Variants in CTNND2 observed in about 807,000 individuals in gnomAD.
CTNND2 encodes catenin delta 2, also known as catenin delta-2.
A neutral mutation model predicts 144.4 loss-of-function variants in CTNND2; 22 were observed. The observed-to-expected ratio is 0.15, with a 90% CI of 0.11 to 0.22. The LOEUF is 0.22. Ranked by LOEUF, CTNND2 falls within the 10% of genes least tolerant of loss-of-function variation. The pLI is 1.00. For missense variants in CTNND2, 1,353 were observed against 1,618.8 expected, an observed-to-expected ratio of 0.84 and a Z score of 2.82; for synonymous variants, 751 against 695.6, an observed-to-expected ratio of 1.08 and a Z score of -1.25.
chr5:11,274,783 G>A (rs891348830), intron 9 of CTNND2, among the ~76,000 whole-genome samples: 1 of 152,088 alleles, frequency 6.6e-6, no homozygotes, highest in African/African-American at 2.4e-5. Context: ...AAGGTTTATT[G>A]TTGTTATTGT....
chr5:11,491,032 G>T (rs1351545809), intron 3 of CTNND2, among the ~76,000 whole-genome samples: 1 of 152,100 alleles, frequency 6.6e-6, no homozygotes, highest in Non-Finnish European at 1.5e-5. Flanking sequence ...TCACGAGACT[G>T]TTTAGGAGGG....
In CTNND2 at chr5:11,696,778, T is replaced by G. The variant is rs145868206; in HGVS notation, c.174+35358A>C. Among the ~76,000 whole-genome samples the G allele has an allele frequency of 7.9e-4, 120 of 152,290 alleles. 1 individual carries two copies. The highest frequency in any genetic ancestry group is 3.4e-3 in the Middle Eastern group (1 of 294). On this transcript the variant is annotated intron_variant, in intron 2 of 21. Coordinates refer to ENST00000304623, the MANE Select transcript of CTNND2 (RefSeq NM_001332.4). ...GACAGTAGTCATATATCAACAGGTATGAACAACCAGTAATTAGCAACTGAC... is the reference window on the plus strand; with the variant it reads ...GACAGTAGTCATATATCAACAGGTAGGAACAACCAGTAATTAGCAACTGAC...
chr5:11,796,938 T>C (rs1791436105), intron 1 of CTNND2, among the ~76,000 whole-genome samples: 1 of 152,162 alleles, frequency 6.6e-6, no homozygotes, highest in Non-Finnish European at 1.5e-5. Flanking sequence ...ATTATTGTCT[T>C]TGATGGAGCA....
At chr5:11,146,970 T>A (rs10041627) in intron 12 of CTNND2, among the ~76,000 whole-genome samples, 254 of 152,036 alleles carry the variant, frequency 1.7e-3, no homozygotes, top group Middle Eastern at 3.4e-3. Context: ...GAGTGAAAAG[T>A]TTCCTTGCTT....
At chr5:11,613,937 C>T (rs1252803666) in intron 2 of CTNND2, among the ~76,000 whole-genome samples, 3 of 152,078 alleles carry the variant, frequency 2.0e-5, no homozygotes, top group East Asian at 1.9e-4. Flanking sequence ...TCCTTTAAGT[C>T]TTGTTTATTT....
At position 10,988,291 on chromosome 5, in the gene CTNND2, G is replaced by A. The variant is rs764307803; in HGVS notation, c.3212-49C>T. 1.2e-6 allele frequency: 2 copies of A among 1,609,950 alleles called. No individual in the cohort carries two copies. Among genetic ancestry groups the A allele is most frequent in the Non-Finnish European group, 1.7e-6 (2 of 1,177,616 alleles). On this transcript the variant is annotated intron_variant, in intron 19 of 21. Coordinates refer to ENST00000304623, the MANE Select transcript of CTNND2 (RefSeq NM_001332.4). The surrounding 1 kb of genome is among the most constrained non-coding windows in gnomAD (Gnocchi z 5.9). ...GATTTTCTGCATCTCATCCCACAGC[G>A]TGTGTGCCTTCCACACAGTCAGGGT...
intron 2 of CTNND2, among the ~76,000 whole-genome samples, chr5:11,569,269 TA>T (rs976419227): frequency 1.8e-4 from 27 of 152,176 alleles, no homozygotes; most frequent in African/African-American, 6.3e-4. Flanking sequence ...TTAGAAAGCC[TA>T]AATCTCCCCA....
chr5:11,441,461 C>G (rs1014639121), intron 3 of CTNND2, among the ~76,000 whole-genome samples: 3 of 142,982 alleles, frequency 2.1e-5, no homozygotes, highest in Non-Finnish European at 3.0e-5. Flanking sequence ...TCACTGCAGT[C>G]TCTGCCTCCT....
chr5:11,861,528 G>A (rs1350916396), intron 1 of CTNND2, among the ~76,000 whole-genome samples: 3 of 152,028 alleles, frequency 2.0e-5, no homozygotes, highest in African/African-American at 4.8e-5. Context: ...CACCTCTCTC[G>A]CCATCTCTCC....
intron 9 of CTNND2, among the ~76,000 whole-genome samples, chr5:11,290,170 A>T (rs1238168423): frequency 2.0e-5 from 3 of 152,114 alleles, no homozygotes; most frequent in Admixed American, 1.3e-4. Context: ...ATGTGTAGCA[A>T]TTTCCACTCC....
chr5:11,287,164 T>G (rs1747842936), intron 9 of CTNND2, among the ~76,000 whole-genome samples: 1 of 152,202 alleles, frequency 6.6e-6, no homozygotes, highest in Non-Finnish European at 1.5e-5. Flanking sequence ...GATACAGTAT[T>G]TGGTCAAACA....
At chr5:11,487,046 C>A (rs1288969283) in intron 3 of CTNND2, among the ~76,000 whole-genome samples, 2 of 152,116 alleles carry the variant, frequency 1.3e-5, no homozygotes, top group African/African-American at 2.4e-5. Flanking sequence ...ACTGAAAATA[C>A]AAAATGAGTT....
intron 16 of CTNND2, among the ~76,000 whole-genome samples, chr5:11,054,277 C>T (rs922837956): frequency 2.0e-5 from 3 of 152,288 alleles, no homozygotes; most frequent in African/African-American, 7.2e-5. Flanking sequence ...TCAATGGCTT[C>T]TAACAACAGC....
chr5:11,326,007 G>A (rs59229726), intron 9 of CTNND2, among the ~76,000 whole-genome samples: 11,867 of 152,194 alleles, frequency 0.078, 1,584 homozygotes, highest in African/African-American at 0.27. Context: ...CATGGGATGT[G>A]TGCTGCATAT....
intron 11 of CTNND2, among the ~76,000 whole-genome samples, chr5:11,195,831 T>C (rs948258699): frequency 6.6e-6 from 1 of 152,268 alleles, no homozygotes; most frequent in Non-Finnish European, 1.5e-5. Flanking sequence ...GCAGCATTTC[T>C]AATCAAAGTT....
intron 3 of CTNND2, among the ~76,000 whole-genome samples, chr5:11,447,810 C>T (rs1764961751): frequency 6.6e-6 from 1 of 152,152 alleles, no homozygotes; most frequent in African/African-American, 2.4e-5. Flanking sequence ...AGGAGTTTCT[C>T]CCACTGAATA....
chr5:11,794,146 T>G (rs1167330711), intron 1 of CTNND2, among the ~76,000 whole-genome samples: 1 of 152,228 alleles, frequency 6.6e-6, no homozygotes, highest in East Asian at 1.9e-4. Context: ...ATAGTATTCT[T>G]CATTCACAGA....
rs77604721 is a variant in CTNND2 at position 11,220,702 on chromosome 5, T to C, written c.1761+15989A>G. Among the ~76,000 whole-genome samples, 1,144 of 152,320 alleles carry C rather than the reference T, an allele frequency of 7.5e-3. 9 individuals are homozygous for C. The highest frequency in any genetic ancestry group is 0.017 in the African/African-American group (708 of 41,572). On this transcript the variant is annotated intron_variant, in intron 10 of 21. Transcript: ENST00000304623. ...CCAGGCATGCTACTGGAACGCTCTT[T>C]GCCCGTCTCCATAAATACTTAGAGA...
intron 9 of CTNND2, among the ~76,000 whole-genome samples, chr5:11,300,817 T>C (rs1749519275): frequency 6.6e-6 from 1 of 151,874 alleles, no homozygotes; most frequent in African/African-American, 2.4e-5. Flanking sequence ...TCCACTCCCA[T>C]CCCCTCAAGG....
Sources: allele counts gnomAD v4.1 joint callset (sites outside exome capture counted in the v4.1 genomes callset), GRCh38; gene constraint gnomAD v4.1.1; non-coding constraint Gnocchi (gnomAD v3.1); transcripts MANE v1.5; gene names NCBI Gene and HGNC (gene_info 2026-07-23, HGNC 2026-07-21).